The following C1QTNF7 variants were observed in gnomAD, a reference collection of about 807,000 sequenced individuals.
C1QTNF7 encodes C1q and TNF related 7.
Under a neutral mutation model 19.6 loss-of-function variants are expected in C1QTNF7, and 15 were observed. The ratio of observed to expected loss-of-function variants is 0.76; its 90% CI spans 0.51 to 1.18. The LOEUF (loss-of-function observed/expected upper bound fraction) is 1.18. Ranked by LOEUF, C1QTNF7 falls within the 50% of genes most tolerant of loss-of-function variation. The probability of loss-of-function intolerance (pLI) is 0.00; values close to 1 mark genes in which losing one functional copy is unlikely to be tolerated. For missense variants in C1QTNF7, 324 were observed against 359.7 expected (o/e 0.90, Z 0.80); for synonymous variants, 142 against 137.5 (o/e 1.03, Z -0.23).
upstream of C1QTNF7, among the ~76,000 whole-genome samples, chr4:15,424,722 ACTAAT>A (rs1711957960): frequency 6.6e-6 from 1 of 152,114 alleles, no homozygotes; most frequent in African/African-American, 2.4e-5. Context: ...CTCTTCAACC[ACTAAT>A]CTTTTCTGAA....
chr4:15,372,461 G>C (rs1385213427), intron 1 of C1QTNF7, among the ~76,000 whole-genome samples: 1 of 152,192 alleles, frequency 6.6e-6, no homozygotes. Context: ...CTCCAGAACT[G>C]TGAGAAAATA....
chr4:15,351,306 T>TA, intron 1 of C1QTNF7, among the ~76,000 whole-genome samples: 1 of 152,298 alleles, frequency 6.6e-6, no homozygotes, highest in East Asian at 1.9e-4. Context: ...AGCATGAACA[T>TA]ACATTAGTAA....
Position 15,443,711 on chromosome 4 carries a change from TG to T in C1QTNF7, c.*914del, listed in dbSNP as rs1712881556. 6.6e-6 allele frequency: 1 copy of T among 152,100 alleles called. No individual in the cohort carries two copies. Among genetic ancestry groups the T allele is most frequent in the Non-Finnish European group, 1.5e-5 (1 of 68,038 alleles). 9.4% of individuals were successfully genotyped at this position (152,100 alleles called of 1,614,324 possible). ...GGAGGCCTGGCAGGGGTGATAAAAA[TG>T]GAGATTGAAATGAAGAGAAATAGCC... is the stretch of plus-strand genomic sequence containing the variant. On this transcript the variant is annotated 3_prime_UTR_variant, in exon 3 of 3. Transcript: ENST00000444304.
Position 15,368,555 on chromosome 4 carries a change from C to T in C1QTNF7, c.13+28348C>T, listed in dbSNP as rs182550253. ...AACATGCAGTGTTTGGTTTTCTGTC[C>T]TTGCGACAGTTTGCTGAGAATGATG... On this transcript the variant is annotated intron_variant, in intron 1 of 2. Coordinates refer to the C1QTNF7 transcript ENST00000295297. Among the ~76,000 whole-genome samples, 71 of 152,266 alleles carry T rather than the reference C, an allele frequency of 4.7e-4. 1 individual carries two copies. In the East Asian group the frequency reaches 0.013, roughly 28 times the overall value.
intron 1 of C1QTNF7, among the ~76,000 whole-genome samples, chr4:15,355,661 G>A (rs909113676): frequency 1.3e-5 from 2 of 152,054 alleles, no homozygotes; most frequent in African/African-American, 4.8e-5. Flanking sequence ...ACATGCACAG[G>A]AGCCCACCAA....
chr4:15,439,318 T>C (rs767295424), intron 2 of C1QTNF7, among the ~76,000 whole-genome samples: 2 of 152,224 alleles, frequency 1.3e-5, no homozygotes, highest in Non-Finnish European at 2.9e-5. Flanking sequence ...CGTGAAGGCC[T>C]TTTTGTGGAC....
At chr4:15,386,498 T>TA (rs1560350873) in intron 1 of C1QTNF7, among the ~76,000 whole-genome samples, 2 of 136,872 alleles carry the variant, frequency 1.5e-5, no homozygotes, top group Non-Finnish European at 3.1e-5. Flanking sequence ...AGACAGATGA[T>TA]AAAAAAAGAA....
intron 1 of C1QTNF7, among the ~76,000 whole-genome samples, chr4:15,372,374 G>A (rs961155169): frequency 6.6e-6 from 1 of 152,168 alleles, no homozygotes; most frequent in African/African-American, 2.4e-5. Flanking sequence ...ACAGAAGGGA[G>A]GCAGCCATCT....
chr4:15,349,423 C>T (rs1716826625), intron 1 of C1QTNF7, among the ~76,000 whole-genome samples: 1 of 152,124 alleles, frequency 6.6e-6, no homozygotes, highest in African/African-American at 2.4e-5. Context: ...ATAGTAGAAA[C>T]TGCATAAATT....
chr4:15,351,866 T>A (rs947092379), intron 1 of C1QTNF7, among the ~76,000 whole-genome samples: 1 of 151,920 alleles, frequency 6.6e-6, no homozygotes, highest in African/African-American at 2.4e-5. Context: ...AAGGAAGGAG[T>A]TAGGGGCTAG....
intron 1 of C1QTNF7, among the ~76,000 whole-genome samples, chr4:15,410,243 TTA>T (rs1719358581): frequency 6.6e-6 from 1 of 152,214 alleles, no homozygotes; most frequent in South Asian, 2.1e-4. Flanking sequence ...ATTTTTTTTC[TTA>T]GAGATGTAAA....
At chr4:15,422,732 G>C (rs1206379887) in intron 1 of C1QTNF7, among the ~76,000 whole-genome samples, 2 of 152,186 alleles carry the variant, frequency 1.3e-5, no homozygotes, top group East Asian at 3.9e-4. Context: ...AGCCTTCTGA[G>C]TAGATGTGCC....
chr4:15,432,014 A>G (rs1712333511), intron 1 of C1QTNF7, among the ~76,000 whole-genome samples: 1 of 152,186 alleles, frequency 6.6e-6, no homozygotes, highest in Non-Finnish European at 1.5e-5. Context: ...CGATGTGAAG[A>G]GGGAGATGAA....
chr4:15,388,571 G>C (rs1718429912), intron 1 of C1QTNF7, among the ~76,000 whole-genome samples: 1 of 152,234 alleles, frequency 6.6e-6, no homozygotes, highest in Admixed American at 6.5e-5. Flanking sequence ...AATGGTGGCA[G>C]GACAGTGGGG....
intron 1 of C1QTNF7, among the ~76,000 whole-genome samples, chr4:15,347,819 C>T (rs1043343329): frequency 5.3e-5 from 8 of 152,136 alleles, no homozygotes; most frequent in Admixed American, 3.3e-4. Context: ...ATCAGCTTTG[C>T]TAGTAAGCCC....
intron 2 of C1QTNF7, among the ~76,000 whole-genome samples, chr4:15,437,629 T>C (rs1712589070): frequency 1.3e-5 from 2 of 152,216 alleles, no homozygotes; most frequent in Admixed American, 1.3e-4. Context: ...AGGCTAACTA[T>C]ACCACCACAT....
At chr4:15,436,362 G>T (rs1477424484) in intron 2 of C1QTNF7, among the ~76,000 whole-genome samples, 1 of 152,226 alleles carries the variant, frequency 6.6e-6, no homozygotes, top group Non-Finnish European at 1.5e-5. Flanking sequence ...ATGGCTGGAT[G>T]TGCAAGCGCA....
chr4:15,368,213 G>A (rs1367186075), intron 1 of C1QTNF7, among the ~76,000 whole-genome samples: 1 of 152,062 alleles, frequency 6.6e-6, no homozygotes, highest in African/African-American at 2.4e-5. Flanking sequence ...GATTTTAAGA[G>A]TCACCCGTGT....
intron 1 of C1QTNF7, among the ~76,000 whole-genome samples, chr4:15,416,439 T>C (rs1487722405): frequency 6.6e-6 from 1 of 152,178 alleles, no homozygotes; most frequent in Admixed American, 6.5e-5. Context: ...TTTCCTCCAC[T>C]ACAAAGTGCA....
Sources: gnomAD v4.1 joint callset for allele counts (sites outside exome capture counted in the v4.1 genomes callset) on GRCh38, gnomAD v4.1.1 for gene constraint, MANE v1.5 for transcripts, NCBI Gene and HGNC (gene_info 2026-07-23, HGNC 2026-07-21) for gene names.